The following PLEC variants were observed in gnomAD, a reference collection of about 807,000 sequenced individuals.
PLEC encodes the protein plectin.
A neutral mutation model predicts 392.8 loss-of-function variants in PLEC; 216 were observed. That is an observed-to-expected ratio of 0.55 (90% CI 0.49 to 0.62). The LOEUF is 0.62. Among genes scored for constraint, PLEC ranks in the 20% least tolerant of loss-of-function variants. The pLI, the probability that PLEC is intolerant of heterozygous loss-of-function variation, is 0.00. For synonymous variants in PLEC, 3,621 were observed against 2,980.6 expected, an observed-to-expected ratio of 1.21 and a Z score of -7.00; for missense variants, 6,863 against 6,563.4, an observed-to-expected ratio of 1.05 and a Z score of -1.58.
chr8:143,969,298 C>A lies in PLEC; in HGVS notation c.70+4105G>T, dbSNP rs1209795357. 6.6e-6 allele frequency among the ~76,000 whole-genome samples: 1 copy of A among 152,224 alleles called. No homozygotes were observed. The highest frequency in any genetic ancestry group is 1.5e-5 in the Non-Finnish European group (1 of 68,040). On this transcript the variant is annotated intron_variant, in intron 1 of 31. Transcript: ENST00000356346. The surrounding 1 kb of genome is among the most constrained non-coding windows in gnomAD (Gnocchi z 5.1). ...CCATAACCATTCCTGTCTGCCTGAG[C>A]CCCTCAGCCCCCCCATTCTCCCTGT...
chr8:143,916,890 G>A lies in PLEC; in HGVS notation c.12931C>T (p.Leu4311=). 6.2e-7 allele frequency: 1 copy of A among 1,612,750 alleles called. No homozygotes were observed. Among genetic ancestry groups the A allele is most frequent in the South Asian group, 1.1e-5 (1 of 91,074 alleles). ...NLVDNITGQR[L]LEAQACTGGI... ...CCGGTGCAGGCCTGCGCCTCCAGCAGCCGCTGCCCCGTGATGTTATCCACC... is the reference window on the plus strand; with the variant it reads ...CCGGTGCAGGCCTGCGCCTCCAGCAACCGCTGCCCCGTGATGTTATCCACC... Residue 4311 remains leucine (L), a synonymous_variant, in exon 32 of 32, where the codon CTG becomes TTG. Coordinates refer to ENST00000345136, the MANE Select transcript of PLEC (RefSeq NM_201384.3).
intron 1 of PLEC, among the ~76,000 whole-genome samples, chr8:143,972,925 G>A (rs2132984972): frequency 6.6e-6 from 1 of 152,320 alleles, no homozygotes; most frequent in East Asian, 1.9e-4. Flanking sequence ...GTGTGGGGGG[G>A]GTGCCCTGCC....
chr8:143,915,247 C>T lies in PLEC; in HGVS notation c.*930G>A, dbSNP rs939391648. ...CCTTGCAGAGGCGCCAGCAGCCTGA[C>T]ACCTCCACCTGCCACCCGCCCGGGG... On this transcript the variant is annotated 3_prime_UTR_variant, in exon 32 of 32. Transcript: ENST00000345136. 1 of 152,562 alleles carries T rather than the reference C, an allele frequency of 6.6e-6. No individual in the cohort carries two copies. The highest frequency in any genetic ancestry group is 1.5e-5 in the Non-Finnish European group (1 of 68,122). 9.5% of individuals were successfully genotyped at this position (152,562 alleles called of 1,614,324 possible).
upstream of PLEC, chr8:143,975,104 G>A (rs1176498995): frequency 6.6e-7 from 1 of 1,507,878 alleles, no homozygotes; most frequent in Non-Finnish European, 9.1e-7. The surrounding 1 kb of genome is among the most constrained non-coding windows in gnomAD (Gnocchi z 9.9). Context: ...CCGCTCCAGC[G>A]CCTAGCACGC....
intron 1 of PLEC, among the ~76,000 whole-genome samples, chr8:143,963,330 G>A (rs765093087): frequency 6.6e-6 from 1 of 152,220 alleles, no homozygotes; most frequent in South Asian, 2.1e-4. Flanking sequence ...AGGGCCTTAG[G>A]CCTAGAGGCA....
At chr8:143,955,224 C>T (rs1276972710), upstream of PLEC, among the ~76,000 whole-genome samples, 3 of 152,210 alleles carry the variant, frequency 2.0e-5, no homozygotes, top group African/African-American at 7.2e-5. Flanking sequence ...TACCTGGAAT[C>T]CCAGCACTTT....
Position 143,923,193 on chromosome 8 carries a change from G to C in PLEC, c.6736C>G (p.Arg2246Gly), listed in dbSNP as rs574445074. 1.2e-6 allele frequency: 2 copies of C among 1,602,618 alleles called. No individual in the cohort carries two copies. The highest frequency in any genetic ancestry group is 1.7e-6 in the Non-Finnish European group (2 of 1,179,870). The change falls in exon 31 of 32, where the codon CGC (arginine) becomes GGC (glycine). Residue 2246 changes from arginine (R) to glycine (G), a missense_variant. By Grantham distance (125) the Arg-to-Gly change is moderately radical. Coordinates refer to ENST00000345136, the MANE Select transcript of PLEC (RefSeq NM_201384.3). ...QMEELSKLKARIEAENRALIL... is the reference protein window; with the variant it reads ...QMEELSKLKAGIEAENRALIL... ...AGTGCGCGGTTCTCAGCCTCGATGC[G>C]TGCCTTGAGCTTGCTCAGCTCCTCC...
chr8:143,975,186 G>A (rs1554745611), upstream of PLEC: 3 of 1,599,876 alleles, frequency 1.9e-6, no homozygotes, highest in African/African-American at 1.3e-5. The surrounding 1 kb of genome is among the most constrained non-coding windows in gnomAD (Gnocchi z 9.9). Flanking sequence ...CCTGCGATGC[G>A]AATGACCGCC....
At chr8:143,928,584 T>C (rs1487788248) in intron 25 of PLEC, among the ~76,000 whole-genome samples, 5 of 94,922 alleles carry the variant, frequency 5.3e-5, no homozygotes, top group African/African-American at 3.4e-4. Flanking sequence ...CTGTGAGGAG[T>C]AGACAGCGGG....
At chr8:143,949,949 G>A (rs1831944992) in intron 1 of PLEC, among the ~76,000 whole-genome samples, 1 of 152,148 alleles carries the variant, frequency 6.6e-6, no homozygotes, top group African/African-American at 2.4e-5. Context: ...CTGGGCCACA[G>A]GCTCCTCCTT....
chr8:143,973,720 T>G (rs2132994883), upstream of PLEC, among the ~76,000 whole-genome samples: 1 of 150,922 alleles, frequency 6.6e-6, no homozygotes, highest in Admixed American at 6.6e-5. The surrounding 1 kb of genome is among the most constrained non-coding windows in gnomAD (Gnocchi z 5.6). Context: ...CCCTTTCCCG[T>G]TCTCGCCCGG....
chr8:143,942,628 T>C (rs1830714022), upstream of PLEC: 1 of 1,259,840 alleles, frequency 7.9e-7, no homozygotes, highest in African/African-American at 1.6e-5. Context: ...GCTCTCCACC[T>C]CTTCCACCTC....
Position 143,934,906 on chromosome 8 carries a change from C to T in PLEC, c.849G>A (p.Glu283=). Residue 283 remains glutamate (E), a synonymous_variant, in exon 9 of 32, where the codon GAG becomes GAA. Coordinates refer to ENST00000345136, the MANE Select transcript of PLEC (RefSeq NM_201384.3). The part of the protein sequence containing the change: ...RANELQLRWQ[E]YRELVLLLLQ... ...GCAGCAGCAGCACCAGCTCCCGGTA[C>T]TCCTGCCAGCGCAGCTGCAGCTCCT... 2.5e-6 allele frequency: 4 copies of T among 1,611,280 alleles called. No individual in the cohort carries two copies. The East Asian group carries it at 8.9e-5, about 36-fold the overall frequency.
chr8:143,929,727 G>T lies in PLEC; in HGVS notation c.2842C>A (p.Pro948Thr). The T allele has an allele frequency of 6.3e-7, 1 of 1,599,664 alleles. No individual in the cohort carries two copies. Residue 948 changes from proline to threonine, a missense_variant, in exon 23 of 32, where the codon CCC becomes ACC. Transcript: ENST00000345136. ...CGCTCAGCCATCAGCCGGTCCTCGG[G>T]TCCGAAGCCGCCCGCGTCCTGGCTG... ...RDSQDAGGFG[P>T]EDRLMAEREY...
rs370789200 is a variant in PLEC at position 143,917,263 on chromosome 8, C to T, written c.12558G>A (p.Ser4186=). The change falls in exon 32 of 32, where the codon TCG becomes TCA. Residue 4186 remains serine, a synonymous_variant. Coordinates refer to ENST00000345136, the MANE Select transcript of PLEC (RefSeq NM_201384.3). ...CEWEEITISS[S]DGVVKSMIID... Reference sequence around the variant, plus strand: ...TGATCATGGACTTGACCACGCCGTCCGAGGAGGAGATGGTGATCTCCTCCC... The same window carrying T: ...TGATCATGGACTTGACCACGCCGTCTGAGGAGGAGATGGTGATCTCCTCCC... 7.0e-5 allele frequency: 113 copies of T among 1,611,014 alleles called. No individual in the cohort carries two copies. The highest frequency in any genetic ancestry group is 1.8e-4 in the Admixed American group (11 of 59,984).
At chr8:143,926,682 G>A (rs1564073687) in intron 30 of PLEC, 102 bp downstream of exon 30, 1 of 959,870 alleles carries the variant, frequency 1.0e-6, no homozygotes, top group Non-Finnish European at 1.7e-6. Flanking sequence ...AGAGTGGGGA[G>A]GGCCACGAGA....
rs1554681219 is a variant in PLEC, at chr8:143,920,277, T to C, written c.9544A>G (p.Ser3182Gly). ...GCCGGCTCCCCTGTGCTGGGGTCACTGTAGGCCTTGGCGTCGGCCCTTGGT... is the reference window on the plus strand; with the variant it reads ...GCCGGCTCCCCTGTGCTGGGGTCACCGTAGGCCTTGGCGTCGGCCCTTGGT... Reference protein sequence around the residue: ...SAPRADAKAYSDPSTGEPATY... With the variant: ...SAPRADAKAYGDPSTGEPATY... The change falls in exon 32 of 32, where the codon AGT becomes GGT. Residue 3182 changes from serine (S) to glycine (G), a missense_variant. Ser to Gly is a moderately conservative substitution (Grantham distance 56, BLOSUM62 0). Transcript: ENST00000345136. The C allele has an allele frequency of 8.1e-6, 13 of 1,595,194 alleles. No individual in the cohort carries two copies. Among genetic ancestry groups the C allele is most frequent in the South Asian group, 7.8e-5 (7 of 90,184 alleles).
Position 143,925,276 on chromosome 8 carries a change from G to T in PLEC, c.4653C>A (p.Arg1551=). The T allele has an allele frequency of 6.3e-7, 1 of 1,574,858 alleles. No homozygotes were observed. Among genetic ancestry groups the T allele is most frequent in the Non-Finnish European group, 8.5e-7 (1 of 1,169,916 alleles). ...LRLQAEEAER[R]LRQAEVERAR... is the part of the protein sequence containing the mutation. ...CTCGCTCCACCTCGGCCTGCCGCAG[G>T]CGCCGCTCCGCCTCCTCCGCCTGCA... The change falls in exon 31 of 32, where the codon CGC becomes CGA. Residue 1551 remains arginine, a synonymous_variant. Coordinates refer to ENST00000345136, the MANE Select transcript of PLEC (RefSeq NM_201384.3).
chr8:143,955,702 C>T (rs1832551167), upstream of PLEC, among the ~76,000 whole-genome samples: 2 of 151,864 alleles, frequency 1.3e-5, no homozygotes, highest in African/African-American at 2.4e-5. Flanking sequence ...TGGGCTCAAG[C>T]GATGCCCCCA....
Sources: allele counts gnomAD v4.1 joint callset (sites outside exome capture counted in the v4.1 genomes callset), GRCh38; gene constraint gnomAD v4.1.1; non-coding constraint Gnocchi (gnomAD v3.1); transcripts MANE v1.5; gene names NCBI Gene and HGNC (gene_info 2026-07-23, HGNC 2026-07-21).